The following SIPA1L3 variants were observed in gnomAD, a reference collection of about 807,000 sequenced individuals.
The protein encoded by SIPA1L3 is signal induced proliferation associated 1 like 3.
SIPA1L3 carries 59 observed loss-of-function variants against 150.1 expected under a neutral mutation model. The observed-to-expected ratio is 0.39, with a 90% CI of 0.32 to 0.49. The LOEUF is 0.49. Among genes scored for constraint, SIPA1L3 ranks in the 20% least tolerant of loss-of-function variants. The pLI, the probability that SIPA1L3 is intolerant of heterozygous loss-of-function variation, is 0.86. For missense variants in SIPA1L3, 2,211 were observed against 2,489.5 expected, an observed-to-expected ratio of 0.89 and a Z score of 2.38; for synonymous variants, 1,070 against 1,077.6, an observed-to-expected ratio of 0.99 and a Z score of 0.14.
intron 2 of SIPA1L3, among the ~76,000 whole-genome samples, chr19:38,057,533 A>G (rs2145773437): frequency 6.6e-6 from 1 of 151,738 alleles, no homozygotes; most frequent in East Asian, 1.9e-4. Flanking sequence ...GGTGTTGCTC[A>G]TTGAGGTTGG....
intron 9 of SIPA1L3, among the ~76,000 whole-genome samples, chr19:38,127,535 G>A (rs910505427): frequency 2.0e-5 from 3 of 151,848 alleles, no homozygotes; most frequent in South Asian, 2.1e-4. Flanking sequence ...GTGTCACCCC[G>A]GCTGGAGTGC....
chr19:37,980,457 A>T (rs1451936865), intron 1 of SIPA1L3, among the ~76,000 whole-genome samples: 1 of 152,182 alleles, frequency 6.6e-6, no homozygotes, highest in African/African-American at 2.4e-5. Flanking sequence ...AAGGGTGGGT[A>T]GGAGTTAATA....
At chr19:38,170,294 G>A (rs895967779) in intron 15 of SIPA1L3, among the ~76,000 whole-genome samples, 1 of 152,218 alleles carries the variant, frequency 6.6e-6, no homozygotes, top group African/African-American at 2.4e-5. Flanking sequence ...TTCCCTGGAT[G>A]GTCACAGAGC....
At chr19:37,928,517 G>A (rs1275336762) in intron 1 of SIPA1L3, among the ~76,000 whole-genome samples, 1 of 152,134 alleles carries the variant, frequency 6.6e-6, no homozygotes, top group African/African-American at 2.4e-5. Flanking sequence ...AGAGGTTGCA[G>A]TGAGCCAAGA....
At chr19:38,123,801 C>A (rs1174115347) in intron 9 of SIPA1L3, among the ~76,000 whole-genome samples, 1 of 144,024 alleles carries the variant, frequency 6.9e-6, no homozygotes, top group African/African-American at 2.7e-5. Flanking sequence ...GACGGGGTGG[C>A]GGCCGGGCAG....
chr19:37,940,943 G>A (rs557592974), intron 1 of SIPA1L3, among the ~76,000 whole-genome samples: 1 of 152,050 alleles, frequency 6.6e-6, no homozygotes, highest in Non-Finnish European at 1.5e-5. Context: ...CATTTGTCCT[G>A]TATATGATCA....
intron 2 of SIPA1L3, among the ~76,000 whole-genome samples, chr19:38,079,514 T>A (rs1234393972): frequency 1.3e-5 from 2 of 151,742 alleles, no homozygotes; most frequent in South Asian, 4.2e-4. Context: ...TCTGTCTCTA[T>A]AGGGTGATTT....
intron 8 of SIPA1L3, among the ~76,000 whole-genome samples, chr19:38,110,643 G>T (rs538560544): frequency 6.5e-4 from 99 of 152,336 alleles, no homozygotes; most frequent in African/African-American, 2.3e-3. Context: ...CCATGTCAAT[G>T]TGGCTTAAGA....
chr19:38,139,191 A>G (rs1971513460), intron 10 of SIPA1L3, among the ~76,000 whole-genome samples: 1 of 152,112 alleles, frequency 6.6e-6, no homozygotes, highest in African/African-American at 2.4e-5. Flanking sequence ...GCAAGACTCC[A>G]TCTCAAAAAA....
At chr19:38,115,074 T>C (rs961001038) in intron 8 of SIPA1L3, among the ~76,000 whole-genome samples, 14 of 152,144 alleles carry the variant, frequency 9.2e-5, no homozygotes, top group Non-Finnish European at 2.9e-5. Flanking sequence ...ACGGGAACCA[T>C]GTGGGAAGAT....
chr19:38,104,830 C>T (rs913601412), intron 6 of SIPA1L3, among the ~76,000 whole-genome samples: 19 of 151,980 alleles, frequency 1.3e-4, no homozygotes, highest in Admixed American at 1.2e-3. Flanking sequence ...CTCGGCCTCC[C>T]AAAGTGCTAG....
At chr19:38,194,942 T>C (rs1373163279) in intron 18 of SIPA1L3, among the ~76,000 whole-genome samples, 2 of 151,972 alleles carry the variant, frequency 1.3e-5, no homozygotes, top group African/African-American at 4.8e-5. Flanking sequence ...TGCCAGCTCC[T>C]CAGGAGGCTG....
At chr19:38,186,444 C>T (rs1972679672) in intron 16 of SIPA1L3, among the ~76,000 whole-genome samples, 1 of 151,914 alleles carries the variant, frequency 6.6e-6, no homozygotes, top group Admixed American at 6.6e-5. Context: ...TACCAAGTAG[C>T]TGGGACTACA....
intron 1 of SIPA1L3, among the ~76,000 whole-genome samples, chr19:37,923,222 G>T (rs1291004269): frequency 6.6e-6 from 1 of 152,192 alleles, no homozygotes; most frequent in East Asian, 1.9e-4. Context: ...AAAGGGCCTA[G>T]GAAGCAGTCA....
intron 1 of SIPA1L3, among the ~76,000 whole-genome samples, chr19:37,918,871 A>AAAATAAAT (rs56883776): frequency 0.014 from 1,911 of 140,284 alleles, 15 homozygotes; most frequent in South Asian, 0.019. Context: ...ACTCGGTCTC[A>AAAATAAAT]AAATAAATAA....
chr19:38,071,333 C>T (rs550472783), intron 2 of SIPA1L3, among the ~76,000 whole-genome samples: 4 of 152,070 alleles, frequency 2.6e-5, no homozygotes, highest in Non-Finnish European at 5.9e-5. Flanking sequence ...ATTGCCCAGG[C>T]GGGAGTACAG....
At chr19:38,161,900 A>G (rs1421640872) in intron 13 of SIPA1L3, among the ~76,000 whole-genome samples, 6 of 151,218 alleles carry the variant, frequency 4.0e-5, no homozygotes, top group East Asian at 1.9e-4. Context: ...AAATTAGCCA[A>G]GCATGGTGAT....
chr19:38,171,204 G>T (rs994144213), intron 15 of SIPA1L3, among the ~76,000 whole-genome samples: 2 of 152,062 alleles, frequency 1.3e-5, no homozygotes, highest in South Asian at 2.1e-4. Flanking sequence ...AGGGAGGAGG[G>T]TGGTATCGTC....
chr19:38,044,177 G>A (rs2145745950), intron 2 of SIPA1L3, among the ~76,000 whole-genome samples: 1 of 152,352 alleles, frequency 6.6e-6, no homozygotes, highest in South Asian at 2.1e-4. Flanking sequence ...CCCAGGGTCG[G>A]GGTTTGCAGG....
Sources: gnomAD v4.1 joint callset for allele counts (sites outside exome capture counted in the v4.1 genomes callset) on GRCh38, gnomAD v4.1.1 for gene constraint, MANE v1.5 for transcripts, NCBI Gene and HGNC (gene_info 2026-07-23, HGNC 2026-07-21) for gene names.